Variants in UNC79 observed in about 807,000 individuals in gnomAD.
UNC79 encodes the protein protein unc-79 homolog.
In UNC79, 37 loss-of-function variants were observed where a neutral mutation model predicts 283.1. The ratio of observed to expected loss-of-function variants is 0.13; its 90% confidence interval spans 0.10 to 0.17. The LOEUF (loss-of-function observed/expected upper bound fraction) is 0.17, where lower values mean the gene tolerates loss of function less well. Ranked by LOEUF, UNC79 falls within the 10% of genes least tolerant of loss-of-function variation. UNC79 has a pLI of 1.00. For synonymous variants in UNC79, 1,107 were observed against 1,200.2 expected, an observed-to-expected ratio of 0.92 and a Z score of 1.61; for missense variants, 2,272 against 3,211.1, an observed-to-expected ratio of 0.71 and a Z score of 7.07.
At position 93,556,445 on chromosome 14, in the gene UNC79, G is replaced by T. The variant is rs1014495986; in HGVS notation, c.1755+13749G>T. ...TGCCCCCAAAAGTCAAAAAGATCAG[G>T]TAACATAATGCAAAACAGAACAGAG... is the stretch of plus-strand genomic sequence containing the variant. On this transcript the variant is annotated intron_variant, in intron 14 of 48. Coordinates refer to ENST00000555664, the Ensembl canonical transcript of UNC79. Among the ~76,000 whole-genome samples the T allele has an allele frequency of 3.3e-5, 5 of 152,124 alleles. No individual in the cohort carries two copies. The South Asian group carries it at 1.0e-3, about 32-fold the overall frequency.
At chr14:93,362,849 G>A (rs943003247) in intron 1 of UNC79, among the ~76,000 whole-genome samples, 7 of 151,930 alleles carry the variant, frequency 4.6e-5, no homozygotes, top group African/African-American at 1.5e-4. Context: ...TGTTATTTCT[G>A]CTTGGGTTTA....
intron 47 of UNC79, among the ~76,000 whole-genome samples, chr14:93,703,693 A>C (rs919912238): frequency 3.9e-5 from 6 of 152,174 alleles, no homozygotes; most frequent in Admixed American, 1.3e-4. Flanking sequence ...ATTTGAGTGG[A>C]GGGTTGGAAG....
chr14:93,602,530 G>T (rs979383580), intron 25 of UNC79, among the ~76,000 whole-genome samples: 1 of 152,104 alleles, frequency 6.6e-6, no homozygotes, highest in African/African-American at 2.4e-5. Context: ...TAAACTCCAG[G>T]AATGCGATGC....
At chr14:93,362,386 T>A (rs2054245754) in intron 1 of UNC79, among the ~76,000 whole-genome samples, 1 of 152,134 alleles carries the variant, frequency 6.6e-6, no homozygotes, top group Non-Finnish European at 1.5e-5. Context: ...TCTCATTCTG[T>A]CACCCAGGCT....
chr14:93,533,571 C>G (rs549334053), intron 11 of UNC79, among the ~76,000 whole-genome samples: 1 of 152,250 alleles, frequency 6.6e-6, no homozygotes, highest in South Asian at 2.1e-4. Context: ...GTCTGGGCCT[C>G]TCTTTCCACA....
chr14:93,374,656 A>C (rs943012998), intron 1 of UNC79, among the ~76,000 whole-genome samples: 1 of 152,098 alleles, frequency 6.6e-6, no homozygotes, highest in Non-Finnish European at 1.5e-5. Context: ...CTCCCACCTC[A>C]GCCTCCTGAG....
intron 40 of UNC79, among the ~76,000 whole-genome samples, chr14:93,664,464 A>G (rs867729700): frequency 5.3e-5 from 8 of 152,300 alleles, no homozygotes; most frequent in Middle Eastern, 3.4e-3. Flanking sequence ...CTTAGTGGCT[A>G]GAGTTTTAAA....
At chr14:93,573,921 CTT>C (rs1398034346) in intron 16 of UNC79, among the ~76,000 whole-genome samples, 2 of 152,200 alleles carry the variant, frequency 1.3e-5, no homozygotes, top group Admixed American at 6.5e-5. Flanking sequence ...GGGAGAATCT[CTT>C]GAGCCCAGGA....
At chr14:93,618,495 C>T (rs781757527) in intron 29 of UNC79, 141 bp downstream of exon 30, 34 of 979,656 alleles carry the variant, frequency 3.5e-5, no homozygotes, top group Non-Finnish European at 4.6e-5. Flanking sequence ...TTCCAACTTT[C>T]CATGAATGTT....
intron 1 of UNC79, among the ~76,000 whole-genome samples, chr14:93,404,493 A>ATAT (rs1555404554): frequency 1.6e-5 from 1 of 61,500 alleles, no homozygotes; most frequent in East Asian, 2.8e-4. Flanking sequence ...TTCTAAAAAA[A>ATAT]ATATATATAT....
chr14:93,612,835 C>G lies in UNC79; in HGVS notation c.3793C>G (p.Leu1265Val). ...TGAGAATGACAACACCATCAAGGAC[C>G]TGCTCCCAGAAGACGCTGGGATCGA... The change falls in exon 27 of 49, where the codon CTG becomes GTG. Residue 1265 changes from leucine to valine, a missense_variant. Coordinates refer to ENST00000555664, the Ensembl canonical transcript of UNC79. 2 of 1,614,104 alleles carry G rather than the reference C, an allele frequency of 1.2e-6. No homozygotes were observed. The highest frequency in any genetic ancestry group is 1.7e-6 in the Non-Finnish European group (2 of 1,180,016).
chr14:93,400,247 G>A (rs1477794134), intron 1 of UNC79, among the ~76,000 whole-genome samples: 1 of 152,120 alleles, frequency 6.6e-6, no homozygotes, highest in Admixed American at 6.6e-5. Flanking sequence ...GTATTTGAGA[G>A]GTTTAATACT....
In UNC79 at chr14:93,430,649, G is replaced by T. The variant is rs2055839606; in HGVS notation, c.-381G>T. 1 of 176,872 alleles carries T rather than the reference G, an allele frequency of 5.7e-6. No individual in the cohort carries two copies. Among genetic ancestry groups the T allele is most frequent in the Non-Finnish European group, 1.2e-5 (1 of 82,262 alleles). The allele number at this position is 176,872 out of a possible 1,614,324, so 11.0% of individuals were successfully genotyped here. On this transcript the variant is annotated 5_prime_UTR_variant, in exon 1 of 49. Coordinates refer to ENST00000555664, the Ensembl canonical transcript of UNC79. This position sits in a 1 kb window ranked among gnomAD's most constrained non-coding sequence, Gnocchi z 4.6. Reference sequence around the variant, plus strand: ...TCTCTGGGAAACACCCGTCCCCTCCGTGCGCCTTATGAATGGAAATACTCC... The same window carrying T: ...TCTCTGGGAAACACCCGTCCCCTCCTTGCGCCTTATGAATGGAAATACTCC...
At chr14:93,370,380 G>A (rs1490417300) in intron 1 of UNC79, among the ~76,000 whole-genome samples, 1 of 151,112 alleles carries the variant, frequency 6.6e-6, no homozygotes, top group Admixed American at 6.6e-5. Flanking sequence ...AAAAAAAAGT[G>A]CTAGGAATCA....
At chr14:93,562,405 G>A (rs190269059) in intron 14 of UNC79, among the ~76,000 whole-genome samples, 30 of 152,330 alleles carry the variant, frequency 2.0e-4, no homozygotes, top group African/African-American at 6.7e-4. Context: ...TGTCTGGGAC[G>A]AGGTTGGGGC....
exon 27 of UNC79, chr14:93,612,928 G>C: frequency 6.2e-7 from 1 of 1,614,140 alleles, no homozygotes; most frequent in Non-Finnish European, 8.5e-7. Flanking sequence ...AAGCAGCGCT[G>C]AGTCAGACAT....
At chr14:93,649,434 CATCT>C (rs2069997603) in intron 35 of UNC79, among the ~76,000 whole-genome samples, 2 of 152,166 alleles carry the variant, frequency 1.3e-5, no homozygotes, top group South Asian at 4.1e-4. Context: ...TGCATCCAAC[CATCT>C]ATCTATCCAT....
intron 1 of UNC79, chr14:93,348,317 AGT>A: frequency 2.0e-6 from 1 of 488,674 alleles, no homozygotes; most frequent in Non-Finnish European, 3.6e-6. Flanking sequence ...GTTCTGCTTA[AGT>A]GTTAAATAAA....
At chr14:93,368,629 C>A (rs2054381468) in intron 1 of UNC79, among the ~76,000 whole-genome samples, 1 of 152,066 alleles carries the variant, frequency 6.6e-6, no homozygotes, top group Non-Finnish European at 1.5e-5. Context: ...TGCCACCACA[C>A]CCAGCTAAAT....
Sources: gnomAD v4.1 joint callset for allele counts (sites outside exome capture counted in the v4.1 genomes callset) on GRCh38, gnomAD v4.1.1 for gene constraint, Gnocchi (gnomAD v3.1) non-coding constraint, MANE v1.5 for transcripts, NCBI Gene and HGNC (gene_info 2026-07-23, HGNC 2026-07-21) for gene names.